Variants in UFD1 observed in about 807,000 individuals in gnomAD.
UFD1 encodes ubiquitin recognition factor in ER-associated degradation protein 1.
In UFD1, 13 loss-of-function variants were observed where a neutral mutation model predicts 45.9. The observed-to-expected ratio is 0.28, with a 90% confidence interval of 0.18 to 0.45. The LOEUF is 0.45. UFD1 is among the 20% of genes least tolerant of loss of function. The pLI is 1.00. For synonymous variants in UFD1, 128 were observed against 139.2 expected, an observed-to-expected ratio of 0.92 and a Z score of 0.56; for missense variants, 218 against 389.2, an observed-to-expected ratio of 0.56 and a Z score of 3.70.
chr22:19,470,740 C>T (rs2089838779), intron 4 of UFD1: 1 of 456,320 alleles, frequency 2.2e-6, no homozygotes, highest in Non-Finnish European at 4.4e-6. Flanking sequence ...CCGTACCTGG[C>T]CAGAATTTCA....
intron 4 of UFD1, among the ~76,000 whole-genome samples, 178 bp from the exon 5 acceptor site, chr22:19,468,181 G>C (rs2089817315): frequency 6.6e-6 from 1 of 152,204 alleles, no homozygotes; most frequent in African/African-American, 2.4e-5. Context: ...GATGTGGAAG[G>C]AAGAAGGCCA....
intron 7 of UFD1, 70 bp downstream of exon 7, chr22:19,458,001 G>A: frequency 6.5e-7 from 1 of 1,544,992 alleles, no homozygotes; most frequent in Non-Finnish European, 8.9e-7. Context: ...TGACACCCTG[G>A]CCTGCAGTGG....
chr22:19,465,007 C>G (rs1243266638), intron 6 of UFD1, among the ~76,000 whole-genome samples, 195 bp downstream of exon 6: 1 of 151,924 alleles, frequency 6.6e-6, no homozygotes, highest in East Asian at 1.9e-4. Flanking sequence ...TAAATGCAAT[C>G]TATCCTCAAA....
intron 6 of UFD1, among the ~76,000 whole-genome samples, chr22:19,459,381 G>A (rs755613570): frequency 5.9e-5 from 9 of 152,288 alleles, no homozygotes; most frequent in African/African-American, 9.6e-5. Flanking sequence ...TTGGGAGGCC[G>A]AGGAGGGCAG....
intron 6 of UFD1, among the ~76,000 whole-genome samples, chr22:19,462,392 G>A (rs1010325256): frequency 2.6e-4 from 39 of 152,138 alleles, no homozygotes; most frequent in African/African-American, 9.4e-4. Context: ...TAGGCCAGGC[G>A]CGGTGGCTCA....
rs2089848034 is a variant in UFD1 at position 19,471,805 on chromosome 22, C to T, written c.173G>A (p.Arg58Gln). The change falls in exon 4 of 12, where the codon CGA (arginine) becomes CAA (glutamine). Residue 58 changes from arginine to glutamine, a missense_variant. Physicochemically the swap from Arg to Gln is conservative, Grantham distance 43 (BLOSUM62 1). Coordinates refer to ENST00000263202, the MANE Select transcript of UFD1 (RefSeq NM_005659.7). ...CAGCATGGGATAGGTAATGTTAAGT[C>T]GGCCTGAAAATAAGAGAGAGACTAT... ...MPPSALDQLS[R>Q]LNITYPMLFK... The T allele has an allele frequency of 3.7e-6, 6 of 1,613,136 alleles. No individual in the cohort carries two copies. The highest frequency in any genetic ancestry group is 5.1e-6 in the Non-Finnish European group (6 of 1,179,394).
Position 19,450,439 on chromosome 22 carries a change from T to A in UFD1, c.*231A>T. 1 of 527,826 alleles carries A rather than the reference T, an allele frequency of 1.9e-6. No individual in the cohort carries two copies. The highest frequency in any genetic ancestry group is 3.3e-6 in the Non-Finnish European group (1 of 299,362). The allele number at this position is 527,826 out of a possible 1,614,324, so 32.7% of individuals were successfully genotyped here. ...GCGTGAAGAGGTGAGGAGGCAGCTATCTACAGGCCCTCAGGGACAGCTCTT... is the reference window on the plus strand; with the variant it reads ...GCGTGAAGAGGTGAGGAGGCAGCTAACTACAGGCCCTCAGGGACAGCTCTT... On this transcript the variant is annotated 3_prime_UTR_variant, in exon 12 of 12. Transcript: ENST00000263202.
At chr22:19,457,053 C>T (rs2089728654) in intron 7 of UFD1, 135 bp from the exon 8 acceptor site, 3 of 676,424 alleles carry the variant, frequency 4.4e-6, no homozygotes, top group East Asian at 2.7e-5. Flanking sequence ...TGTACACTTG[C>T]CCAGTTTTCC....
chr22:19,471,610 A>G, intron 4 of UFD1, 77 bp downstream of exon 4: 1 of 1,565,500 alleles, frequency 6.4e-7, no homozygotes, highest in South Asian at 1.2e-5. Context: ...CACCTGCTCC[A>G]GGGCCAGGAC....
intron 1 of UFD1, among the ~76,000 whole-genome samples, chr22:19,477,006 C>CAA (rs35775775): frequency 0.062 from 6,006 of 96,972 alleles, 517 homozygotes; most frequent in South Asian, 0.12. Flanking sequence ...GACTCCATCT[C>CAA]AAAAAAAAAA....
At chr22:19,467,230 T>C (rs1256466336) in intron 5 of UFD1, 1 of 151,818 alleles carries the variant, frequency 6.6e-6, no homozygotes, top group Non-Finnish European at 1.5e-5. Flanking sequence ...TGGCCACTCT[T>C]ATGCCATGAT....
At chr22:19,472,665 T>C (rs2089854883) in intron 3 of UFD1, among the ~76,000 whole-genome samples, 1 of 152,192 alleles carries the variant, frequency 6.6e-6, no homozygotes, top group African/African-American at 2.4e-5. Flanking sequence ...ATGGTAGTGA[T>C]GGTGTTTGCC....
At chr22:19,459,824 C>T (rs1035009678) in intron 6 of UFD1, among the ~76,000 whole-genome samples, 6 of 150,320 alleles carry the variant, frequency 4.0e-5, no homozygotes, top group Admixed American at 1.3e-4. Flanking sequence ...CTGCAACCTC[C>T]GCCTCCCGGG....
chr22:19,467,828 C>T, intron 5 of UFD1, 45 bp downstream of exon 5: 2 of 1,609,676 alleles, frequency 1.2e-6, no homozygotes, highest in Non-Finnish European at 8.5e-7. Context: ...ACCGCCAGCA[C>T]ACTCTCCTTT....
At chr22:19,478,976 G>C in intron 1 of UFD1, 107 bp downstream of exon 1, 2 of 1,456,224 alleles carry the variant, frequency 1.4e-6, no homozygotes, top group Non-Finnish European at 1.8e-6. Flanking sequence ...CTCAGGCCCG[G>C]GTGACTCGGC....
intron 7 of UFD1, 144 bp downstream of exon 7, chr22:19,457,927 A>G: frequency 5.1e-6 from 4 of 790,772 alleles, no homozygotes; most frequent in Non-Finnish European, 6.3e-6. Flanking sequence ...CAGTCTCCTC[A>G]TGATGTTCTG....
intron 6 of UFD1, 148 bp downstream of exon 6, chr22:19,465,054 A>T: frequency 1.4e-6 from 1 of 700,142 alleles, no homozygotes; most frequent in Non-Finnish European, 2.4e-6. Flanking sequence ...CTAAATATGA[A>T]CCCGGGAAAA....
intron 11 of UFD1, chr22:19,454,129 A>G (rs1021489917): frequency 5.1e-6 from 5 of 985,928 alleles, no homozygotes; most frequent in Non-Finnish European, 6.0e-6. Context: ...CCCAGGGCAC[A>G]CAGTTCTGTG....
intron 4 of UFD1, chr22:19,470,568 A>C: frequency 2.8e-6 from 1 of 360,754 alleles, no homozygotes; most frequent in Non-Finnish European, 5.5e-6. Flanking sequence ...CGGTCTCCCA[A>C]GTAGCTAGGA....
Sources: allele counts gnomAD v4.1 joint callset (sites outside exome capture counted in the v4.1 genomes callset), GRCh38; gene constraint gnomAD v4.1.1; transcripts MANE v1.5; gene names NCBI Gene and HGNC (gene_info 2026-07-23, HGNC 2026-07-21).